RABEP2: variants seen among roughly 807,000 people sequenced by gnomAD.
RABEP2 encodes the protein rab GTPase-binding effector protein 2.
Under a neutral mutation model 74.1 loss-of-function variants are expected in RABEP2, and 57 were observed. The observed-to-expected ratio is 0.77, with a 90% CI of 0.62 to 0.96. The LOEUF is 0.96. Among genes scored for constraint, RABEP2 ranks in the 40% least tolerant of loss-of-function variants. The pLI, the probability that RABEP2 is intolerant of heterozygous loss-of-function variation, is 0.00. For synonymous variants in RABEP2, 351 were observed against 344.0 expected (o/e 1.02, Z -0.23); for missense variants, 692 against 756.3 (o/e 0.91, Z 1.00).
At chr16:28,915,596 G>A (rs1358218333) in intron 3 of RABEP2, among the ~76,000 whole-genome samples, 1 of 152,080 alleles carries the variant, frequency 6.6e-6, no homozygotes, top group Non-Finnish European at 1.5e-5. Context: ...CCCGACTAGA[G>A]TGGAGTGGCA....
At position 28,924,599 on chromosome 16, in the gene RABEP2, C is replaced by T. The variant is rs775476607; in HGVS notation, c.78G>A (p.Arg26=). ...RRPGAALEDS[R]SQEGANGEAE... ...CCTCACCATTTGCCCCTTCCTGGGA[C>T]CGGGAGTCCTCCAGTGCTGTGGGGG... The change falls in exon 2 of 13, where the codon CGG becomes CGA. Residue 26 remains arginine, a synonymous_variant. Coordinates refer to ENST00000358201, the MANE Select transcript of RABEP2 (RefSeq NM_024816.3). 1 of 1,611,210 alleles carries T rather than the reference C, an allele frequency of 6.2e-7. No individual in the cohort carries two copies. Among genetic ancestry groups the T allele is most frequent in the Non-Finnish European group, 8.5e-7 (1 of 1,179,970 alleles).
At chr16:28,912,362 G>A (rs958665480) in intron 5 of RABEP2, among the ~76,000 whole-genome samples, 2 of 149,356 alleles carry the variant, frequency 1.3e-5, no homozygotes, top group Non-Finnish European at 3.0e-5. Context: ...AGCTTCTCCT[G>A]TGTCCCCTAC....
At chr16:28,925,039 T>A (rs1255114578) in intron 1 of RABEP2, 64 bp downstream of exon 1, 4 of 1,465,480 alleles carry the variant, frequency 2.7e-6, no homozygotes, top group Non-Finnish European at 3.7e-6. Context: ...CATCCGCAGG[T>A]GGCTGGCTCG....
chr16:28,925,106 C>T lies in RABEP2; in HGVS notation c.58G>A (p.Ala20Thr), dbSNP rs115529621. Residue 20 changes from alanine to threonine, a missense_variant, in exon 1 of 13, where the codon GCT becomes ACT. Physicochemically the swap from Ala to Thr is moderately conservative, Grantham distance 58. Transcript: ENST00000358201. The part of the protein sequence containing the change: ...DDDERRRRPG[A>T]ALEDSRSQEG... ...GCACGGACGCCCCCTCACGTACCAG[C>T]CCCCGGCCGCCGCCGCCGCTCATCG... 2.1e-5 allele frequency: 32 copies of T among 1,538,658 alleles called. No individual in the cohort carries two copies. Among genetic ancestry groups the T allele is most frequent in the Non-Finnish European group, 2.6e-5 (30 of 1,149,358 alleles).
At position 28,905,756 on chromosome 16, in the gene RABEP2, G is replaced by A. The variant is rs1005110271; in HGVS notation, c.1439C>T (p.Ser480Phe). ...QREETEVLEA[S>F]LCSLRTEMER... ...CATCTCTGTCCTCAGGCTGCACAGG[G>A]AGGCTGGGAAGTCAGGGCAGGGGGA... Residue 480 changes from serine (S) to phenylalanine (F), a missense_variant, in exon 11 of 13, where the codon TCC (serine) becomes TTC (phenylalanine). Ser to Phe is a radical substitution (Grantham distance 155). Coordinates refer to ENST00000358201, the MANE Select transcript of RABEP2 (RefSeq NM_024816.3). 101 of 1,613,940 alleles carry A rather than the reference G, an allele frequency of 6.3e-5. No individual in the cohort carries two copies. The highest frequency in any genetic ancestry group is 8.4e-5 in the Non-Finnish European group (99 of 1,179,982).
intron 5 of RABEP2, among the ~76,000 whole-genome samples, chr16:28,912,638 C>G (rs1248674830): frequency 6.6e-6 from 1 of 152,020 alleles, no homozygotes; most frequent in Non-Finnish European, 1.5e-5. Context: ...GTCTCAAACT[C>G]CTGGGCTCCA....
intron 8 of RABEP2, among the ~76,000 whole-genome samples, chr16:28,907,620 C>T (rs1964252843): frequency 6.6e-6 from 1 of 151,678 alleles, no homozygotes. Flanking sequence ...TATTTCTAAT[C>T]AATTTATTAA....
rs147158210 is a variant in RABEP2, at chr16:28,920,363, GTTATTATTATTA to G, written c.275-432_275-421del. 3.4e-3 allele frequency among the ~76,000 whole-genome samples: 479 copies of G among 141,616 alleles called. 2 individuals are homozygous for G. Among genetic ancestry groups the G allele is most frequent in the Non-Finnish European group, 4.4e-3 (287 of 65,696 alleles). The allele number at this position is 141,616 out of a possible 152,430, so 92.9% of individuals were successfully genotyped here. On this transcript the variant is annotated intron_variant, in intron 2 of 12. Coordinates refer to ENST00000358201, the MANE Select transcript of RABEP2 (RefSeq NM_024816.3). Reference sequence around the variant, plus strand: ...TTAAGAACGGTAAGAATTTTTTTTGGTTATTATTATTATTATTATTATTATTATTATTATTAT... The same window carrying G: ...TTAAGAACGGTAAGAATTTTTTTTGGTTATTATTATTATTATTATTATTAT...
chr16:28,904,714 TC>T lies in RABEP2; in HGVS notation c.*228del. On this transcript the variant is annotated 3_prime_UTR_variant, in exon 13 of 13. Transcript: ENST00000358201. ...GCAGGCCTGAGCCTGCACCTTTGGT[TC>T]CGGGAGGGGCTTGGGCCCCTCACCC... 1.6e-6 allele frequency: 1 copy of T among 640,992 alleles called. No homozygotes were observed. Among genetic ancestry groups the T allele is most frequent in the Admixed American group, 3.1e-5 (1 of 32,528 alleles). 39.7% of individuals were successfully genotyped at this position (640,992 alleles called of 1,614,324 possible).
intron 10 of RABEP2, 52 bp downstream of exon 10, chr16:28,905,815 C>T: frequency 1.2e-6 from 2 of 1,613,976 alleles, no homozygotes; most frequent in African/African-American, 1.3e-5. Flanking sequence ...CTTTCCCCAC[C>T]TAGCCCAGCC....
chr16:28,910,604 AAAC>A, intron 7 of RABEP2: 1 of 348,484 alleles, frequency 2.9e-6, no homozygotes, highest in Non-Finnish European at 5.3e-6. Context: ...ATGACTCTGC[AAAC>A]TAGGGCCCAT....
intron 8 of RABEP2, among the ~76,000 whole-genome samples, chr16:28,906,714 G>A (rs1964239549): frequency 2.0e-5 from 3 of 152,100 alleles, no homozygotes; most frequent in East Asian, 1.9e-4. Context: ...GCAGTGAGCC[G>A]AGATCGCGCC....
intron 7 of RABEP2, among the ~76,000 whole-genome samples, chr16:28,909,036 C>G (rs1007233988): frequency 6.6e-6 from 1 of 151,554 alleles, no homozygotes; most frequent in African/African-American, 2.4e-5. Context: ...CATACACACA[C>G]ACACACACAA....
At chr16:28,905,610 G>A (rs531123622) in intron 11 of RABEP2, 94 bp downstream of exon 11, 3 of 1,553,456 alleles carry the variant, frequency 1.9e-6, no homozygotes, top group African/African-American at 1.4e-5. Flanking sequence ...TCCTCCACCT[G>A]GCCTGAGGGA....
Position 28,911,161 on chromosome 16 carries a change from C to T in RABEP2, c.913G>A (p.Asp305Asn), listed in dbSNP as rs765209053. The change falls in exon 6 of 13, where the codon GAC becomes AAC. Residue 305 changes from aspartate to asparagine, a missense_variant. Asp to Asn is a conservative substitution (Grantham distance 23). Transcript: ENST00000358201. ...CGCTCGCGACTGACGCTCTCCAGGT[C>T]CTTCTGCAGCTGTCGGCCCTGCCAC... The part of the protein sequence containing the change: ...LQTEGRQLQK[D>N]LESVSRERDE... 56 of 1,611,280 alleles carry T rather than the reference C, an allele frequency of 3.5e-5. No individual in the cohort carries two copies. The highest frequency in any genetic ancestry group is 4.7e-5 in the Non-Finnish European group (55 of 1,180,012).
chr16:28,914,178 G>T (rs2152220971), intron 5 of RABEP2, 58 bp downstream of exon 5: 1 of 1,405,520 alleles, frequency 7.1e-7, no homozygotes, highest in Non-Finnish European at 9.6e-7. Flanking sequence ...GTGGTGCGGG[G>T]GAAGCATCCA....
At chr16:28,919,328 T>G (rs1432650949) in intron 3 of RABEP2, among the ~76,000 whole-genome samples, 1 of 152,156 alleles carries the variant, frequency 6.6e-6, no homozygotes, top group Non-Finnish European at 1.5e-5. Flanking sequence ...TTTTATATTT[T>G]GAGTAGAGAC....
intron 11 of RABEP2, 78 bp from the exon 12 acceptor site, chr16:28,905,591 C>T (rs777129522): frequency 1.3e-6 from 2 of 1,558,514 alleles, no homozygotes; most frequent in Non-Finnish European, 1.8e-6. Flanking sequence ...CAGCCGTTGC[C>T]CCAGGGCTTC....
chr16:28,910,028 CAA>C (rs779404464), intron 7 of RABEP2, among the ~76,000 whole-genome samples: 794 of 69,082 alleles, frequency 0.011, 2 homozygotes, highest in Middle Eastern at 0.018. Flanking sequence ...GACTCCGTCT[CAA>C]AAAAAAAAAA....
Sources: allele counts gnomAD v4.1 joint callset (sites outside exome capture counted in the v4.1 genomes callset), GRCh38; gene constraint gnomAD v4.1.1; transcripts MANE v1.5; gene names NCBI Gene and HGNC (gene_info 2026-07-23, HGNC 2026-07-21).